The following SENP7 variants were observed in gnomAD, a reference collection of about 807,000 sequenced individuals.
SENP7 encodes SUMO specific peptidase 7.
SENP7 carries 64 observed loss-of-function variants against 141.2 expected under a neutral mutation model. The ratio of observed to expected loss-of-function variants is 0.45; its 90% CI spans 0.37 to 0.56. The LOEUF is 0.56. Ranked by LOEUF, SENP7 falls within the 20% of genes least tolerant of loss-of-function variation. The pLI, the probability that SENP7 is intolerant of heterozygous loss-of-function variation, is 0.00. For missense variants in SENP7, 1,025 were observed against 1,212.2 expected, an observed-to-expected ratio of 0.85 and a Z score of 2.29; for synonymous variants, 382 against 426.4, an observed-to-expected ratio of 0.90 and a Z score of 1.28.
chr3:101,488,075 T>G (rs2064804940), intron 3 of SENP7, among the ~76,000 whole-genome samples: 1 of 152,232 alleles, frequency 6.6e-6, no homozygotes, highest in Non-Finnish European at 1.5e-5. Flanking sequence ...GTGACACTGA[T>G]GCTTCCAATC....
intron 3 of SENP7, among the ~76,000 whole-genome samples, chr3:101,477,637 G>A (rs979662048): frequency 6.6e-6 from 1 of 152,068 alleles, no homozygotes; most frequent in Non-Finnish European, 1.5e-5. Flanking sequence ...GATCACTTGA[G>A]GTCAGGAGTT....
At chr3:101,334,934 T>G (rs1280059202) in intron 17 of SENP7, among the ~76,000 whole-genome samples, 1 of 152,188 alleles carries the variant, frequency 6.6e-6, no homozygotes, top group African/African-American at 2.4e-5. Context: ...CAGTAATCAA[T>G]AATAGGCACT....
At chr3:101,495,665 TG>T (rs766924620) in intron 2 of SENP7, among the ~76,000 whole-genome samples, 25 of 152,244 alleles carry the variant, frequency 1.6e-4, no homozygotes, top group Middle Eastern at 3.4e-3. Context: ...AACCAAACAA[TG>T]CATGTTCTCA....
At chr3:101,476,309 C>T (rs2064215183) in intron 3 of SENP7, among the ~76,000 whole-genome samples, 2 of 151,598 alleles carry the variant, frequency 1.3e-5, no homozygotes, top group Admixed American at 6.6e-5. Flanking sequence ...TCCATGTGCT[C>T]TCATTGTTCA....
At chr3:101,458,870 T>C (rs1056220437) in intron 4 of SENP7, 85 bp downstream of exon 4, 26 of 733,318 alleles carry the variant, frequency 3.5e-5, no homozygotes, top group Admixed American at 7.7e-5. Flanking sequence ...GTGGTCATAA[T>C]TGAGAACCAA....
chr3:101,379,336 G>A (rs1345998435), intron 6 of SENP7, among the ~76,000 whole-genome samples: 5 of 152,076 alleles, frequency 3.3e-5, no homozygotes, highest in African/African-American at 1.2e-4. Flanking sequence ...TAACATTTCT[G>A]AATATGACAA....
intron 11 of SENP7, among the ~76,000 whole-genome samples, chr3:101,355,938 T>A (rs4383493): frequency 0.4 from 60,473 of 151,896 alleles, 12,564 homozygotes; most frequent in Admixed American, 0.54. Flanking sequence ...CCTGGTTAGC[T>A]GTATTCATAG....
At chr3:101,365,898 G>A (rs1276881954) in intron 9 of SENP7, among the ~76,000 whole-genome samples, 2 of 152,108 alleles carry the variant, frequency 1.3e-5, no homozygotes, top group Admixed American at 1.3e-4. Flanking sequence ...TTCTAACAGT[G>A]TATTGTGCCA....
intron 16 of SENP7, among the ~76,000 whole-genome samples, chr3:101,338,750 G>A (rs1469094129): frequency 6.6e-6 from 1 of 152,194 alleles, no homozygotes; most frequent in East Asian, 1.9e-4. Flanking sequence ...ACCAAGAATG[G>A]TGCCTGTTCC....
At chr3:101,504,225 T>C (rs533743598) in intron 1 of SENP7, among the ~76,000 whole-genome samples, 25 of 151,358 alleles carry the variant, frequency 1.7e-4, no homozygotes, top group African/African-American at 6.1e-4. Context: ...GCCGAGGTGG[T>C]TGGATCACTT....
chr3:101,512,927 G>A (rs2065921291), intron 1 of SENP7, among the ~76,000 whole-genome samples, 164 bp downstream of exon 1: 1 of 152,084 alleles, frequency 6.6e-6, no homozygotes, highest in Non-Finnish European at 1.5e-5. Flanking sequence ...TTCGACTCCA[G>A]GGGCGGGGGC....
rs749444319 is a variant in SENP7 at position 101,347,920 on chromosome 3, G to A, written c.1789C>T (p.Leu597Phe). 1 of 1,604,500 alleles carries A rather than the reference G, an allele frequency of 6.2e-7. No homozygotes were observed. Among genetic ancestry groups the A allele is most frequent in the South Asian group, 1.1e-5 (1 of 89,840 alleles). ...ILFFWVSSDY[L>F]QEIQTQLEHS... is the part of the protein sequence containing the mutation. Reference sequence around the variant, plus strand: ...TCTAATTGGGTCTGAATCTCTTGAAGATAATCTGAAGAGACCCAGAAGAAA... The same window carrying A: ...TCTAATTGGGTCTGAATCTCTTGAAAATAATCTGAAGAGACCCAGAAGAAA... The change falls in exon 13 of 24, where the codon CTT (leucine) becomes TTT (phenylalanine). Residue 597 changes from leucine to phenylalanine, a missense_variant. Around this residue, in one of 4 missense-constraint regions of SENP7, gnomAD observed 228 missense variants for 228.5 expected, o/e 1.00. Coordinates refer to ENST00000394095, the MANE Select transcript of SENP7 (RefSeq NM_020654.5).
At chr3:101,376,659 A>G (rs534762738) in intron 6 of SENP7, among the ~76,000 whole-genome samples, 18 of 152,282 alleles carry the variant, frequency 1.2e-4, no homozygotes, top group African/African-American at 2.6e-4. Flanking sequence ...GGGGAGGGAT[A>G]GCATTAGGAG....
At chr3:101,415,026 G>A (rs534420584) in intron 5 of SENP7, among the ~76,000 whole-genome samples, 3 of 152,274 alleles carry the variant, frequency 2.0e-5, no homozygotes, top group African/African-American at 7.2e-5. Flanking sequence ...TCTCTTTGTT[G>A]CCAACATCCT....
chr3:101,428,112 T>C (rs2062026067), intron 4 of SENP7, among the ~76,000 whole-genome samples: 1 of 152,206 alleles, frequency 6.6e-6, no homozygotes, highest in African/African-American at 2.4e-5. Context: ...GGCATTCGGG[T>C]TGGTTCCAAG....
At chr3:101,435,956 G>A (rs531863399) in intron 4 of SENP7, among the ~76,000 whole-genome samples, 34 of 152,104 alleles carry the variant, frequency 2.2e-4, no homozygotes, top group African/African-American at 7.5e-4. Flanking sequence ...AAAAGACCCA[G>A]AATAGGCAAA....
intron 4 of SENP7, among the ~76,000 whole-genome samples, chr3:101,435,320 G>A (rs1166400401): frequency 6.6e-6 from 1 of 152,016 alleles, no homozygotes; most frequent in Non-Finnish European, 1.5e-5. Flanking sequence ...TAGTATCCTA[G>A]CTAGTATCAT....
intron 8 of SENP7, among the ~76,000 whole-genome samples, chr3:101,367,506 A>G (rs1352875256): frequency 6.6e-6 from 1 of 152,106 alleles, no homozygotes; most frequent in Non-Finnish European, 1.5e-5. Context: ...ACTAGACAGT[A>G]TGAATAGTAT....
At chr3:101,453,140 G>A (rs2063211502) in intron 4 of SENP7, among the ~76,000 whole-genome samples, 2 of 152,192 alleles carry the variant, frequency 1.3e-5, no homozygotes, top group Non-Finnish European at 2.9e-5. Context: ...GGCCATCAGA[G>A]AAATGCAAAT....
Sources: allele counts gnomAD v4.1 joint callset (sites outside exome capture counted in the v4.1 genomes callset), GRCh38; gene constraint gnomAD v4.1.1; regional missense constraint gnomAD v4.1.1; transcripts MANE v1.5; gene names NCBI Gene and HGNC (gene_info 2026-07-23, HGNC 2026-07-21).